ABCC11: variants seen among roughly 807,000 people sequenced by gnomAD.
ABCC11 encodes ATP binding cassette subfamily C member 11.
Under a neutral mutation model 149.3 loss-of-function variants are expected in ABCC11, and 135 were observed. That is an observed-to-expected ratio of 0.90 (90% CI 0.79 to 1.04). The LOEUF is 1.04. Ranked by LOEUF, ABCC11 falls within the 50% of genes least tolerant of loss-of-function variation. ABCC11 has a pLI of 0.00. For missense variants in ABCC11, 1,680 were observed against 1,722.1 expected (o/e 0.98, Z 0.43); for synonymous variants, 665 against 671.4 (o/e 0.99, Z 0.15).
At chr16:48,233,165 T>C (rs141475569) in intron 1 of ABCC11, among the ~76,000 whole-genome samples, 2,915 of 152,248 alleles carry the variant, frequency 0.019, 41 homozygotes, top group Non-Finnish European at 0.027. Flanking sequence ...TGTGCCACTG[T>C]ACTCCAGCCT....
chr16:48,208,518 C>T, intron 11 of ABCC11, 22 bp from the exon 12 acceptor site: 4 of 1,613,856 alleles, frequency 2.5e-6, no homozygotes, highest in Non-Finnish European at 3.4e-6. Flanking sequence ...GGAGGACATA[C>T]AAGTGTTGGG....
At chr16:48,218,529 C>T (rs1969502655) in intron 6 of ABCC11, among the ~76,000 whole-genome samples, 1 of 152,160 alleles carries the variant, frequency 6.6e-6, no homozygotes, top group Admixed American at 6.5e-5. Flanking sequence ...TTTATTCAGG[C>T]ATGTCAAAAG....
chr16:48,237,607 G>C (rs376284362), intron 1 of ABCC11, among the ~76,000 whole-genome samples: 14 of 152,238 alleles, frequency 9.2e-5, no homozygotes, highest in East Asian at 7.7e-4. Context: ...GCTAGATAAT[G>C]TTATTCCTCA....
intron 11 of ABCC11, chr16:48,209,843 A>G (rs942055279): frequency 6.6e-6 from 1 of 152,176 alleles, no homozygotes; most frequent in Non-Finnish European, 1.5e-5. Flanking sequence ...TGAAATAAAA[A>G]ATATATATTA....
In ABCC11 at chr16:48,192,669, T is replaced by A. The variant is rs955701272; in HGVS notation, c.2557A>T (p.Ile853Phe). ...SNGTMADLGN[I>F]ADNPQLSFYQ... ...AAGGACAGTTGAGGATTGTCTGCAATGTTGCCCAGGTCTGCCATGGTTCCA... is the reference window on the plus strand; with the variant it reads ...AAGGACAGTTGAGGATTGTCTGCAAAGTTGCCCAGGTCTGCCATGGTTCCA... The change falls in exon 20 of 30, where the codon ATT becomes TTT. Residue 853 changes from isoleucine to phenylalanine, a missense_variant. Ile to Phe is a conservative substitution (Grantham distance 21, BLOSUM62 0). Transcript: ENST00000356608. The A allele has an allele frequency of 1.9e-6, 3 of 1,614,098 alleles. No individual in the cohort carries two copies. The highest frequency in any genetic ancestry group is 2.5e-6 in the Non-Finnish European group (3 of 1,180,050).
chr16:48,186,835 G>T, intron 22 of ABCC11, 118 bp downstream of exon 22: 2 of 1,302,664 alleles, frequency 1.5e-6, no homozygotes, highest in Non-Finnish European at 2.1e-6. Flanking sequence ...TACGTCCATC[G>T]AACAATGTGC....
intron 8 of ABCC11, 50 bp from the exon 9 acceptor site, chr16:48,215,079 C>T (rs1361650853): frequency 3.1e-6 from 5 of 1,605,804 alleles, no homozygotes; most frequent in Admixed American, 1.7e-5. Flanking sequence ...GAACATTCTC[C>T]AAAGAGCACA....
At chr16:48,185,524 C>A (rs1966702567) in intron 22 of ABCC11, among the ~76,000 whole-genome samples, 2 of 152,124 alleles carry the variant, frequency 1.3e-5, no homozygotes, top group Non-Finnish European at 2.9e-5. Flanking sequence ...TTAAAAGAAA[C>A]TTTAATCACA....
chr16:48,197,885 G>A, intron 17 of ABCC11, 86 bp downstream of exon 17: 1 of 1,422,530 alleles, frequency 7.0e-7, no homozygotes, highest in Non-Finnish European at 9.8e-7. Flanking sequence ...ACATGGCCCA[G>A]TCTGGGGTCA....
rs150831325 is a variant in ABCC11, at chr16:48,192,592, G to A, written c.2634C>T (p.Val878=). Residue 878 remains valine, a synonymous_variant, in exon 20 of 30, where the codon GTC becomes GTT. Coordinates refer to ENST00000356608, the MANE Select transcript of ABCC11 (RefSeq NM_001370497.1). ...CCTTGGTGAAAATCCCTGAGGAGCA[G>A]ACCCCCACACAGATGAGGAGCAGGG... The part of the protein sequence containing the change: ...LNALLLICVG[V]CSSGIFTKVT... The A allele has an allele frequency of 2.1e-5, 34 of 1,614,126 alleles. No individual in the cohort carries two copies. In the African/African-American group the frequency reaches 3.6e-4, roughly 17 times the overall value.
intron 1 of ABCC11, chr16:48,232,225 G>T: frequency 3.0e-6 from 1 of 329,818 alleles, no homozygotes; most frequent in Non-Finnish European, 5.1e-6. Flanking sequence ...CTCCTTTGAT[G>T]TATCAAACCC....
chr16:48,218,999 T>C (rs1969541545), intron 6 of ABCC11, among the ~76,000 whole-genome samples: 1 of 152,116 alleles, frequency 6.6e-6, no homozygotes, highest in Non-Finnish European at 1.5e-5. Flanking sequence ...GTAGTATCAT[T>C]GATGTAAAAA....
chr16:48,224,730 C>T (rs1272771479), intron 4 of ABCC11, among the ~76,000 whole-genome samples: 1 of 152,096 alleles, frequency 6.6e-6, no homozygotes, highest in East Asian at 1.9e-4. Flanking sequence ...CTTTAAAAAA[C>T]CATAGCACAG....
At chr16:48,189,272 G>C (rs1019824329) in intron 20 of ABCC11, among the ~76,000 whole-genome samples, 1 of 152,206 alleles carries the variant, frequency 6.6e-6, no homozygotes, top group South Asian at 2.1e-4. Context: ...AGGAGTGGAC[G>C]TCAGCTCCAC....
rs902098127 is a variant in ABCC11 at position 48,196,417 on chromosome 16, CT to C, written c.2315-97del. The C allele has an allele frequency of 1.4e-5, 17 of 1,219,736 alleles. No individual in the cohort carries two copies. The African/African-American group carries it at 2.1e-4, about 15-fold the overall frequency. 75.6% of individuals were successfully genotyped at this position (1,219,736 alleles called of 1,614,324 possible). A position where few individuals can be genotyped will look rare whatever the true frequency, so the allele number is the denominator to read the frequency against. On this transcript the variant is annotated intron_variant, in intron 17 of 29. Coordinates refer to ENST00000356608, the MANE Select transcript of ABCC11 (RefSeq NM_001370497.1). ...GCTTCGATCCTGTGCCAGCTTTTCA[CT>C]TTCCAGCTTCAGTGCCCCACCTATG...
At chr16:48,225,042 C>CAAAA (rs1314718181) in intron 4 of ABCC11, among the ~76,000 whole-genome samples, 2 of 123,458 alleles carry the variant, frequency 1.6e-5, no homozygotes, top group African/African-American at 3.5e-5. Context: ...AAAAAACAAA[C>CAAAA]CAAAAAAAAA....
Position 48,211,091 on chromosome 16 carries a change from C to T in ABCC11, c.1465G>A (p.Gly489Arg), listed in dbSNP as rs200822502. 2.7e-5 allele frequency: 44 copies of T among 1,614,198 alleles called. No homozygotes were observed. In the Admixed American group the frequency reaches 3.5e-4, roughly 13 times the overall value. Reference sequence around the variant, plus strand: ...AGCTCCAGTGCCCCATTGACGATCCCGGGACAGGTCTGTTGCCATGACAAG... The same window carrying T: ...AGCTCCAGTGCCCCATTGACGATCCTGGGACAGGTCTGTTGCCATGACAAG... ...ATLSWQQTCP[G>R]IVNGALELER... is the part of the protein sequence containing the mutation. The change falls in exon 11 of 30, where the codon GGG (glycine) becomes AGG (arginine). Residue 489 changes from glycine (G) to arginine (R), a missense_variant. Gly to Arg is a moderately radical substitution (Grantham distance 125, BLOSUM62 -2). Transcript: ENST00000356608.
At chr16:48,192,857 T>G in intron 19 of ABCC11, 140 bp from the exon 20 acceptor site, 1 of 797,692 alleles carries the variant, frequency 1.3e-6, no homozygotes, top group South Asian at 1.6e-5. Context: ...TGCTCAGCGC[T>G]TGGCTACTCT....
At chr16:48,193,290 A>G (rs1967087938) in intron 19 of ABCC11, among the ~76,000 whole-genome samples, 1 of 152,070 alleles carries the variant, frequency 6.6e-6, no homozygotes, top group South Asian at 2.1e-4. Context: ...CCTGACCCAA[A>G]CCTCCTGGTA....
Sources: allele counts gnomAD v4.1 joint callset (sites outside exome capture counted in the v4.1 genomes callset), GRCh38; gene constraint gnomAD v4.1.1; transcripts MANE v1.5; gene names NCBI Gene and HGNC (gene_info 2026-07-23, HGNC 2026-07-21).